The following LRRC7 variants were observed in gnomAD, a reference collection of about 807,000 sequenced individuals.
LRRC7 encodes the protein leucine-rich repeat-containing protein 7.
Under a neutral mutation model 175.7 loss-of-function variants are expected in LRRC7, and 23 were observed. The observed-to-expected ratio is 0.13, with a 90% CI of 0.09 to 0.19. The LOEUF (loss-of-function observed/expected upper bound fraction) is 0.19. Ranked by LOEUF, LRRC7 falls within the 10% of genes least tolerant of loss-of-function variation. LRRC7 has a pLI of 1.00. For missense variants in LRRC7, 1,354 were observed against 1,904.7 expected (o/e 0.71, Z 5.38); for synonymous variants, 685 against 680.9 (o/e 1.01, Z -0.09).
intron 14 of LRRC7, among the ~76,000 whole-genome samples, chr1:70,018,262 A>G (rs1009642112): frequency 6.6e-6 from 1 of 152,074 alleles, no homozygotes; most frequent in Non-Finnish European, 1.5e-5. Context: ...GTCTTTGGCT[A>G]TAAAAATATC....
chr1:69,655,362 AG>A (rs1210237912), intron 1 of LRRC7, among the ~76,000 whole-genome samples: 2 of 151,772 alleles, frequency 1.3e-5, no homozygotes, highest in African/African-American at 4.8e-5. Flanking sequence ...AGCTTCTTGT[AG>A]TTTTCTGCCT....
At chr1:69,847,475 T>G (rs1682500413) in intron 7 of LRRC7, among the ~76,000 whole-genome samples, 1 of 152,124 alleles carries the variant, frequency 6.6e-6, no homozygotes, top group African/African-American at 2.4e-5. Flanking sequence ...AAATGGAATA[T>G]TCACCACATG....
chr1:69,975,866 T>G (rs1361061474), intron 8 of LRRC7, among the ~76,000 whole-genome samples: 2 of 151,928 alleles, frequency 1.3e-5, no homozygotes, highest in Admixed American at 1.3e-4. Context: ...CAATCTCCTC[T>G]TCATTGTCCC....
intron 2 of LRRC7, among the ~76,000 whole-genome samples, chr1:69,679,383 G>T (rs1460190325): frequency 1.3e-5 from 2 of 152,064 alleles, no homozygotes; most frequent in Non-Finnish European, 2.9e-5. Flanking sequence ...TTAGTTTGAA[G>T]TATACTGCTC....
intron 1 of LRRC7, among the ~76,000 whole-genome samples, chr1:69,615,510 A>G (rs886905620): frequency 6.6e-6 from 1 of 152,042 alleles, no homozygotes. Context: ...AAGCTACTCA[A>G]TCAATGCCAA....
chr1:70,055,215 G>A (rs968663029), intron 23 of LRRC7, among the ~76,000 whole-genome samples: 15 of 152,140 alleles, frequency 9.9e-5, no homozygotes, highest in East Asian at 3.9e-4. Context: ...CCTGTTTAGC[G>A]AGGAAACTAA....
At chr1:69,869,186 G>A (rs1024269302) in intron 7 of LRRC7, among the ~76,000 whole-genome samples, 2 of 151,864 alleles carry the variant, frequency 1.3e-5, no homozygotes, top group African/African-American at 4.8e-5. Flanking sequence ...TAAATCAATA[G>A]GTTATTGTAA....
chr1:69,917,358 A>G (rs114271954), intron 7 of LRRC7, among the ~76,000 whole-genome samples: 2,074 of 152,286 alleles, frequency 0.014, 40 homozygotes, highest in African/African-American at 0.048. Flanking sequence ...AAAGGGAGAT[A>G]GGCCCCAGAG....
chr1:69,712,607 AAAAC>A (rs1664895348), intron 2 of LRRC7, among the ~76,000 whole-genome samples: 1 of 152,226 alleles, frequency 6.6e-6, no homozygotes, highest in Non-Finnish European at 1.5e-5. Context: ...TCCATCTCAC[AAAAC>A]AAACAAACCA....
intron 8 of LRRC7, among the ~76,000 whole-genome samples, chr1:69,951,750 A>G (rs903777543): frequency 6.6e-6 from 1 of 152,040 alleles, no homozygotes; most frequent in African/African-American, 2.4e-5. Flanking sequence ...AGAACTTATG[A>G]ACACAGAGAA....
chr1:69,930,412 C>G (rs1349890048), intron 7 of LRRC7, among the ~76,000 whole-genome samples: 1 of 152,114 alleles, frequency 6.6e-6, no homozygotes, highest in African/African-American at 2.4e-5. Flanking sequence ...ACTAAAATTT[C>G]TAAGATTTCA....
chr1:69,821,913 T>G (rs1679343306), intron 4 of LRRC7, among the ~76,000 whole-genome samples: 1 of 152,064 alleles, frequency 6.6e-6, no homozygotes, highest in Non-Finnish European at 1.5e-5. Context: ...ATTGTGTTAT[T>G]TTGGTGGTGT....
At chr1:69,825,982 A>G (rs1225586618) in intron 5 of LRRC7, among the ~76,000 whole-genome samples, 156 bp downstream of exon 5, 1 of 152,182 alleles carries the variant, frequency 6.6e-6, no homozygotes, top group Non-Finnish European at 1.5e-5. Flanking sequence ...ATAGTTTGAC[A>G]AAAGATGATT....
chr1:69,908,130 C>A lies in LRRC7; in HGVS notation c.648-23377C>A, dbSNP rs570042434. ...ATATCGCCTTTATCATTTTTTATTG[C>A]GTCTATTTCATTCTTCTCTCTTTTT... On this transcript the variant is annotated intron_variant, in intron 7 of 26. Transcript: ENST00000651989. 2.0e-4 allele frequency among the ~76,000 whole-genome samples: 31 copies of A among 152,016 alleles called. No homozygotes were observed. The South Asian group carries it at 6.5e-3, about 32-fold the overall frequency.
In LRRC7 at chr1:69,804,483, A is replaced by G. The variant is rs1676888339; in HGVS notation, c.421+12323A>G. ...CTGGAAAATGAAGTTTTGATCTCTT[A>G]TGTTCAGTAAAAGATATTCTTTCTT... On this transcript the variant is annotated intron_variant, in intron 4 of 26. Coordinates refer to ENST00000651989, the MANE Select transcript of LRRC7 (RefSeq NM_001370785.2). Among the ~76,000 whole-genome samples, 5 of 151,606 alleles carry G rather than the reference A, an allele frequency of 3.3e-5. No individual in the cohort carries two copies. In the South Asian group the frequency reaches 1.0e-3, roughly 31 times the overall value.
intron 3 of LRRC7, among the ~76,000 whole-genome samples, chr1:69,787,624 C>T (rs914277369): frequency 1.3e-5 from 2 of 152,220 alleles, no homozygotes; most frequent in African/African-American, 4.8e-5. Context: ...AAGCCATGGC[C>T]TGAGCTCTAT....
At chr1:69,569,762 A>G (rs553444354) in intron 1 of LRRC7, among the ~76,000 whole-genome samples, 37 of 152,086 alleles carry the variant, frequency 2.4e-4, no homozygotes, top group South Asian at 2.3e-3. Context: ...CCATCAAGTC[A>G]TAAAGCGAGC....
At chr1:69,608,897 TATAC>T (rs1483071898) in intron 1 of LRRC7, among the ~76,000 whole-genome samples, 68 of 118,138 alleles carry the variant, frequency 5.8e-4, no homozygotes, top group African/African-American at 1.7e-3. Context: ...TATATATATA[TATAC>T]ACACACACAC....
At chr1:69,964,135 A>G (rs905672628) in intron 8 of LRRC7, among the ~76,000 whole-genome samples, 1 of 152,142 alleles carries the variant, frequency 6.6e-6, no homozygotes, top group African/African-American at 2.4e-5. Flanking sequence ...CTCCCCATAT[A>G]TTAGCTGTAT....
Sources: allele counts gnomAD v4.1 joint callset (sites outside exome capture counted in the v4.1 genomes callset), GRCh38; gene constraint gnomAD v4.1.1; transcripts MANE v1.5; gene names NCBI Gene and HGNC (gene_info 2026-07-23, HGNC 2026-07-21).